The following TP53BP2 variants were observed in gnomAD, a reference collection of about 807,000 sequenced individuals.
TP53BP2 encodes apoptosis-stimulating of p53 protein 2.
Under a neutral mutation model 126.2 loss-of-function variants are expected in TP53BP2, and 62 were observed. That is an observed-to-expected ratio of 0.49 (90% CI 0.40 to 0.61). The LOEUF is 0.61. Ranked by LOEUF, TP53BP2 falls within the 20% of genes least tolerant of loss-of-function variation. The pLI is 0.00. For missense variants in TP53BP2, 1,215 were observed against 1,402.8 expected (o/e 0.87, Z 2.14); for synonymous variants, 485 against 502.9 (o/e 0.96, Z 0.48).
At chr1:223,805,229 T>C (rs1468020795) in intron 5 of TP53BP2, among the ~76,000 whole-genome samples, 4 of 151,686 alleles carry the variant, frequency 2.6e-5, no homozygotes, top group Non-Finnish European at 5.9e-5. Flanking sequence ...AAGTCCAGCC[T>C]GGGCAACACA....
intron 2 of TP53BP2, chr1:223,820,940 A>G: frequency 4.4e-6 from 2 of 450,946 alleles, no homozygotes; most frequent in Non-Finnish European, 4.0e-6. Flanking sequence ...TAAAGCTTAC[A>G]CATACAAAGA....
At chr1:223,815,138 T>G (rs1009363415) in intron 2 of TP53BP2, among the ~76,000 whole-genome samples, 24 of 152,342 alleles carry the variant, frequency 1.6e-4, no homozygotes, top group African/African-American at 5.8e-4. Context: ...TTTTTAAATA[T>G]AAGAATGTTG....
At chr1:223,828,002 A>C (rs1006806575) in intron 1 of TP53BP2, among the ~76,000 whole-genome samples, 2 of 152,230 alleles carry the variant, frequency 1.3e-5, no homozygotes, top group Non-Finnish European at 2.9e-5. Context: ...CTTCTGTTTC[A>C]TTTTGGTGAA....
chr1:223,784,379 T>C, intron 16 of TP53BP2, 65 bp from the exon 17 acceptor site: 3 of 1,510,260 alleles, frequency 2.0e-6, no homozygotes, highest in South Asian at 2.3e-5. Flanking sequence ...TCTACAACTT[T>C]TAGCTATATG....
chr1:223,834,091 C>T (rs1385056949), intron 1 of TP53BP2, among the ~76,000 whole-genome samples: 1 of 152,236 alleles, frequency 6.6e-6, no homozygotes, highest in East Asian at 1.9e-4. Flanking sequence ...CAGAAAAAAA[C>T]GCCACATCAG....
At chr1:223,792,269 T>C in intron 15 of TP53BP2, 120 bp downstream of exon 15, 5 of 1,145,464 alleles carry the variant, frequency 4.4e-6, no homozygotes, top group Non-Finnish European at 6.1e-6. Context: ...TCCAGCTAGA[T>C]TACAAGCAGC....
At chr1:223,797,343 T>G (rs749018030) in intron 12 of TP53BP2, among the ~76,000 whole-genome samples, 12 of 152,186 alleles carry the variant, frequency 7.9e-5, no homozygotes, top group Non-Finnish European at 1.3e-4. Flanking sequence ...ACCTTCTGTT[T>G]TTACATTTAG....
chr1:223,815,261 T>G (rs1663046280), intron 2 of TP53BP2, among the ~76,000 whole-genome samples: 1 of 152,236 alleles, frequency 6.6e-6, no homozygotes, highest in African/African-American at 2.4e-5. Flanking sequence ...GCCAATTTGG[T>G]GAACCAACCC....
At chr1:223,798,771 CTA>C in intron 11 of TP53BP2, 94 bp from the exon 12 acceptor site, 1 of 1,112,316 alleles carries the variant, frequency 9.0e-7, no homozygotes, top group Non-Finnish European at 1.3e-6. Context: ...TAAATATACA[CTA>C]TAAAAATATT....
chr1:223,800,187 A>C, intron 10 of TP53BP2, 140 bp from the exon 11 acceptor site: 1 of 848,066 alleles, frequency 1.2e-6, no homozygotes, highest in Non-Finnish European at 1.7e-6. Flanking sequence ...AACTAATAAA[A>C]GGATAACCCA....
chr1:223,795,496 C>T (rs1164681044), intron 13 of TP53BP2, among the ~76,000 whole-genome samples: 2 of 152,186 alleles, frequency 1.3e-5, no homozygotes, highest in African/African-American at 4.8e-5. Flanking sequence ...TCAAAAGTTT[C>T]AAACCCAGGT....
At position 223,803,366 on chromosome 1, in the gene TP53BP2, T is replaced by C; in HGVS notation, c.736A>G (p.Arg246Gly). The C allele has an allele frequency of 6.2e-7, 1 of 1,614,072 alleles. No homozygotes were observed. The highest frequency in any genetic ancestry group is 8.5e-7 in the Non-Finnish European group (1 of 1,179,956). The change falls in exon 7 of 18, where the codon AGG becomes GGG. Residue 246 changes from arginine to glycine, a missense_variant. By Grantham distance (125) the Arg-to-Gly change is moderately radical. This residue lies in a region of TP53BP2 where 814 missense variants were observed against 853.0 expected (regional missense o/e 0.95). Coordinates refer to ENST00000343537, the MANE Select transcript of TP53BP2 (RefSeq NM_001031685.3). ...CCGTTCTTGAGCATCTCTAGCTGCC[T>C]GGTCAGTTCTTCTACTTTTGACACA... Reference protein sequence around the residue: ...LAVSKVEELTRQLEMLKNGRI... With the variant: ...LAVSKVEELTGQLEMLKNGRI...
At chr1:223,826,032 A>T (rs969086931) in intron 1 of TP53BP2, 1 of 152,320 alleles carries the variant, frequency 6.6e-6, no homozygotes, top group African/African-American at 2.4e-5. Flanking sequence ...ATGCAGTCAG[A>T]GGACTCTTGA....
chr1:223,806,425 T>C (rs1039997415), intron 5 of TP53BP2, among the ~76,000 whole-genome samples: 5 of 152,096 alleles, frequency 3.3e-5, no homozygotes, highest in Non-Finnish European at 5.9e-5. Flanking sequence ...GGCTTTTGGG[T>C]TGATAATGTT....
chr1:223,820,683 G>C (rs1663271078), intron 2 of TP53BP2, among the ~76,000 whole-genome samples: 1 of 152,106 alleles, frequency 6.6e-6, no homozygotes, highest in African/African-American at 2.4e-5. Context: ...TAGGAACAAG[G>C]CAGAAATGAT....
At chr1:223,792,047 A>G (rs1381616117) in intron 15 of TP53BP2, among the ~76,000 whole-genome samples, 1 of 152,206 alleles carries the variant, frequency 6.6e-6, no homozygotes, top group African/African-American at 2.4e-5. Context: ...TTGAAGACTG[A>G]ACCATTTCAG....
intron 1 of TP53BP2, among the ~76,000 whole-genome samples, chr1:223,838,296 T>C (rs1890119): frequency 0.041 from 6,276 of 152,224 alleles, 417 homozygotes; most frequent in African/African-American, 0.14. Context: ...AACTAAATAT[T>C]TGTTGAGCAG....
At chr1:223,823,163 C>T (rs954798298) in intron 1 of TP53BP2, among the ~76,000 whole-genome samples, 3 of 152,180 alleles carry the variant, frequency 2.0e-5, no homozygotes, top group Non-Finnish European at 4.4e-5. Flanking sequence ...GGACATCACA[C>T]AGCAATTGGA....
At position 223,802,881 on chromosome 1, in the gene TP53BP2, C is replaced by T. The variant is rs1297075047; in HGVS notation, c.846G>A (p.Leu282=). ...LYKELQLRNK[L]NQEQNAKLQQ... ...GTAGCTTGGCATTCTGCTCTTGATT[C>T]AATTTGTTTCTTAGCTGAATAAAAG... The change falls in exon 8 of 18, where the codon TTG becomes TTA. Residue 282 remains leucine, a synonymous_variant. Coordinates refer to ENST00000343537, the MANE Select transcript of TP53BP2 (RefSeq NM_001031685.3). The T allele has an allele frequency of 6.2e-7, 1 of 1,613,990 alleles. No homozygotes were observed. Among genetic ancestry groups the T allele is most frequent in the East Asian group, 2.2e-5 (1 of 44,882 alleles).
Sources: gnomAD v4.1 joint callset for allele counts (sites outside exome capture counted in the v4.1 genomes callset) on GRCh38, gnomAD v4.1.1 for gene constraint, gnomAD v4.1.1 regional missense constraint, MANE v1.5 for transcripts, NCBI Gene and HGNC (gene_info 2026-07-23, HGNC 2026-07-21) for gene names.